ENTREP2: variants seen among roughly 807,000 people sequenced by gnomAD.
ENTREP2 encodes the protein endosomal transmembrane epsin interactor 2.
the ENTREP2 span, among the ~76,000 whole-genome samples, chr15:29,604,493 C>CA: frequency 2.0e-5 from 3 of 152,128 alleles, no homozygotes; most frequent in Admixed American, 1.3e-4. Context: ...CCATCTTATT[C>CA]ATAACATATT....
At chr15:29,655,312 C>G in the ENTREP2 span, among the ~76,000 whole-genome samples, 1 of 152,186 alleles carries the variant, frequency 6.6e-6, no homozygotes, top group South Asian at 2.1e-4. Flanking sequence ...AATTTTGAAT[C>G]TTGTGGTTCA....
the ENTREP2 span, among the ~76,000 whole-genome samples, chr15:29,219,610 C>CATAA: frequency 1.0e-5 from 1 of 97,994 alleles, no homozygotes; most frequent in Admixed American, 9.8e-5. Context: ...AACTGTGGTG[C>CATAA]ATAAATATAT....
the ENTREP2 span, among the ~76,000 whole-genome samples, chr15:29,120,051 G>T: frequency 6.8e-4 from 104 of 152,374 alleles, 1 homozygote; most frequent in African/African-American, 2.4e-3. Context: ...ACGGGCGTGG[G>T]TGTGTCCAGG....
chr15:29,581,284 G>C, the ENTREP2 span, among the ~76,000 whole-genome samples: 6 of 151,818 alleles, frequency 4.0e-5, no homozygotes, highest in East Asian at 1.2e-3. Context: ...ATTAAGTATC[G>C]TTGATTCTTA....
At chr15:29,297,356 G>A in the ENTREP2 span, among the ~76,000 whole-genome samples, 1 of 152,278 alleles carries the variant, frequency 6.6e-6, no homozygotes, top group Middle Eastern at 3.4e-3. Context: ...ACATGTCTAT[G>A]AAGTTCATAA....
At chr15:29,432,826 C>G in the ENTREP2 span, among the ~76,000 whole-genome samples, 3 of 152,164 alleles carry the variant, frequency 2.0e-5, no homozygotes, top group Non-Finnish European at 4.4e-5. Flanking sequence ...GCCCTCAGCT[C>G]TCCCTGCAGG....
At chr15:29,335,423 C>G in the ENTREP2 span, among the ~76,000 whole-genome samples, 1 of 152,216 alleles carries the variant, frequency 6.6e-6, no homozygotes, top group Non-Finnish European at 1.5e-5. Flanking sequence ...CAAGTTCATA[C>G]TCTTTAACAG....
the ENTREP2 span, among the ~76,000 whole-genome samples, chr15:29,570,961 C>T: frequency 6.9e-6 from 1 of 145,142 alleles, no homozygotes; most frequent in Non-Finnish European, 1.5e-5. Context: ...CGCCCGCCGG[C>T]CGCGCCGCGC....
the ENTREP2 span, among the ~76,000 whole-genome samples, chr15:29,354,544 T>C: frequency 2.6e-5 from 4 of 152,062 alleles, no homozygotes; most frequent in African/African-American, 4.8e-5. Context: ...TCTAAGACAC[T>C]AGGGGATCGG....
chr15:29,123,547 G>A, the ENTREP2 span: 228 of 1,551,782 alleles, frequency 1.5e-4, 1 homozygote, highest in East Asian at 4.9e-5. Context: ...TTTGGAGGTC[G>A]CTGGGAAGGG....
At chr15:29,381,878 G>C in the ENTREP2 span, 1 of 1,517,810 alleles carries the variant, frequency 6.6e-7, no homozygotes, top group Non-Finnish European at 9.0e-7. Context: ...CCGAAACCTT[G>C]CATGGGCAAT....
chr15:29,298,078 C>A, the ENTREP2 span, among the ~76,000 whole-genome samples: 78,537 of 151,988 alleles, frequency 0.52, 22,788 homozygotes, highest in African/African-American at 0.81. Flanking sequence ...TTCTGACAAC[C>A]GTATAATTAA....
chr15:29,629,161 T>C, the ENTREP2 span, among the ~76,000 whole-genome samples: 234 of 152,326 alleles, frequency 1.5e-3, no homozygotes, highest in African/African-American at 5.4e-3. Flanking sequence ...TCCATCCTTT[T>C]ATATTCAATC....
chr15:29,150,949 G>GAGAC, the ENTREP2 span, among the ~76,000 whole-genome samples: 2 of 151,962 alleles, frequency 1.3e-5, no homozygotes, highest in South Asian at 4.2e-4. Flanking sequence ...GAGACAGAGA[G>GAGAC]AGACAGACAC....
chr15:29,472,280 G>A, the ENTREP2 span, among the ~76,000 whole-genome samples: 1 of 152,114 alleles, frequency 6.6e-6, no homozygotes, highest in East Asian at 1.9e-4. Flanking sequence ...TCAGGAAGAG[G>A]TGGCACCAGG....
At chr15:29,143,918 G>A in the ENTREP2 span, among the ~76,000 whole-genome samples, 1 of 152,200 alleles carries the variant, frequency 6.6e-6, no homozygotes, top group East Asian at 1.9e-4. Context: ...GTGAAGGGAT[G>A]CTGTGATTTA....
At chr15:29,349,491 C>T in the ENTREP2 span, among the ~76,000 whole-genome samples, 2 of 152,130 alleles carry the variant, frequency 1.3e-5, no homozygotes, top group Admixed American at 6.5e-5. Context: ...TGTAAACTAA[C>T]AATATAAATG....
the ENTREP2 span, among the ~76,000 whole-genome samples, chr15:29,625,663 G>C: frequency 6.6e-6 from 1 of 151,744 alleles, no homozygotes; most frequent in Non-Finnish European, 1.5e-5. Context: ...CCAAAGTGCT[G>C]GGATTACAGG....
At chr15:29,517,309 T>C in the ENTREP2 span, among the ~76,000 whole-genome samples, 3 of 152,256 alleles carry the variant, frequency 2.0e-5, no homozygotes, top group East Asian at 5.8e-4. Context: ...TTAGAATAAT[T>C]CTACAAGATA....
Sources: gnomAD v4.1 joint callset for allele counts (sites outside exome capture counted in the v4.1 genomes callset) on GRCh38, gnomAD v4.1.1 for gene constraint, MANE v1.5 for transcripts, NCBI Gene and HGNC (gene_info 2026-07-23, HGNC 2026-07-21) for gene names.